CACNA1D: variants seen among roughly 807,000 people sequenced by gnomAD.
CACNA1D encodes the protein calcium voltage-gated channel subunit alpha1 D.
Under a neutral mutation model 257.1 loss-of-function variants are expected in CACNA1D, and 55 were observed. That is an observed-to-expected ratio of 0.21 (90% CI 0.17 to 0.27). The LOEUF (loss-of-function observed/expected upper bound fraction) is 0.27. Ranked by LOEUF, CACNA1D falls within the 10% of genes least tolerant of loss-of-function variation. The probability of loss-of-function intolerance (pLI) is 1.00; values close to 1 mark genes in which losing one functional copy is unlikely to be tolerated. For synonymous variants in CACNA1D, 980 were observed against 1,014.9 expected, an observed-to-expected ratio of 0.97 and a Z score of 0.65; for missense variants, 1,876 against 2,784.0, an observed-to-expected ratio of 0.67 and a Z score of 7.34.
At chr3:53,656,273 T>C (rs758348454) in intron 4 of CACNA1D, among the ~76,000 whole-genome samples, 13 of 152,204 alleles carry the variant, frequency 8.5e-5, no homozygotes, top group Admixed American at 2.0e-4. Context: ...TCCTTTTTTG[T>C]TCCATATGAA....
In CACNA1D at chr3:53,769,878, G is replaced by A. The variant is rs1468956537; in HGVS notation, c.3871-95G>A. 1.0e-5 allele frequency: 10 copies of A among 978,084 alleles called. No homozygotes were observed. In the Admixed American group the frequency reaches 1.7e-4, roughly 17 times the overall value. 60.6% of individuals were successfully genotyped at this position (978,084 alleles called of 1,614,324 possible). A position where few individuals can be genotyped will look rare whatever the true frequency, so the allele number is the denominator to read the frequency against. On this transcript the variant is annotated intron_variant, in intron 30 of 47. Coordinates refer to ENST00000350061, the MANE Select transcript of CACNA1D (RefSeq NM_001128840.3). ...GGAGCAGGTGTGGTGTCTAAAGATG[G>A]GAACCACACATTTTTTTAAAGGGGG...
At chr3:53,614,731 C>T (rs1415365368) in intron 3 of CACNA1D, among the ~76,000 whole-genome samples, 2 of 152,190 alleles carry the variant, frequency 1.3e-5, no homozygotes, top group Non-Finnish European at 2.9e-5. Context: ...CCATACGTCC[C>T]TTTTGTGTGA....
intron 3 of CACNA1D, among the ~76,000 whole-genome samples, chr3:53,563,083 C>T (rs1035205481): frequency 2.6e-5 from 4 of 152,108 alleles, no homozygotes; most frequent in African/African-American, 9.7e-5. Context: ...AAAGGATATG[C>T]ATAAAGTATT....
chr3:53,497,069 G>T (rs1413933781), intron 1 of CACNA1D, 83 bp from the exon 2 acceptor site: 8 of 1,019,222 alleles, frequency 7.8e-6, no homozygotes, highest in Non-Finnish European at 1.2e-5. Flanking sequence ...TGTTATTGAT[G>T]GGAGACAACC....
chr3:53,539,718 G>A (rs535203088), intron 3 of CACNA1D, among the ~76,000 whole-genome samples: 3 of 152,330 alleles, frequency 2.0e-5, no homozygotes, highest in African/African-American at 7.2e-5. Context: ...CAGCGTGTGA[G>A]CATTCCTGTT....
intron 39 of CACNA1D, chr3:53,782,697 C>T (rs369602158): frequency 6.6e-6 from 1 of 152,114 alleles, no homozygotes; most frequent in Admixed American, 6.5e-5. Flanking sequence ...AGGGGTTACC[C>T]GTAGCTGGCA....
Position 53,774,612 on chromosome 3 carries a change from A to G in CACNA1D, c.4136A>G (p.Asp1379Gly). The part of the protein sequence containing the change: ...MQMFGKVAMR[D>G]NNQINRNNNF... ...ATGTTTGGGAAAGTTGCCATGAGAG[A>G]TAACAACCAGATCAATAGGAACAAT... The change falls in exon 34 of 48, where the codon GAT becomes GGT. Residue 1379 changes from aspartate to glycine, a missense_variant. This residue lies in a region of CACNA1D where 204 missense variants were observed against 309.4 expected (regional missense o/e 0.66). Transcript: ENST00000350061. This position sits in a 1 kb window ranked among gnomAD's most constrained non-coding sequence, Gnocchi z 4.3. The G allele has an allele frequency of 1.2e-6, 2 of 1,610,838 alleles. No individual in the cohort carries two copies. Among genetic ancestry groups the G allele is most frequent in the East Asian group, 2.2e-5 (1 of 44,868 alleles).
Position 53,800,443 on chromosome 3 carries a change from C to A in CACNA1D, c.5040+78C>A. 1.0e-6 allele frequency: 1 copy of A among 978,986 alleles called. No homozygotes were observed. The highest frequency in any genetic ancestry group is 1.7e-6 in the Non-Finnish European group (1 of 600,570). The allele number at this position is 978,986 out of a possible 1,614,324, so 60.6% of individuals were successfully genotyped here. ...GACTCCAGTTTGGGCAGTTAATCAT[C>A]CACAGAAGAGTCTGGAGAATGCAGC... On this transcript the variant is annotated intron_variant, in intron 41 of 47. Transcript: ENST00000350061. The surrounding 1 kb of genome is among the most constrained non-coding windows in gnomAD (Gnocchi z 4.3).
intron 28 of CACNA1D, among the ~76,000 whole-genome samples, chr3:53,753,371 A>G (rs1258804297): frequency 2.6e-5 from 4 of 152,292 alleles, no homozygotes; most frequent in East Asian, 1.9e-4. Flanking sequence ...TCATCATTCA[A>G]TCATCCTCAT....
At chr3:53,691,900 C>G (rs763912479) in intron 8 of CACNA1D, among the ~76,000 whole-genome samples, 1 of 31,762 alleles carries the variant, frequency 3.1e-5, no homozygotes, top group African/African-American at 1.2e-4. Context: ...ATATATATTA[C>G]ATATATTATA....
intron 3 of CACNA1D, among the ~76,000 whole-genome samples, chr3:53,601,427 G>A (rs1309310562): frequency 6.6e-6 from 1 of 152,232 alleles, no homozygotes. Flanking sequence ...TGGTTTAGTA[G>A]CAAGGGAGAA....
chr3:53,679,926 T>A (rs1358175880), intron 8 of CACNA1D, among the ~76,000 whole-genome samples: 1 of 152,218 alleles, frequency 6.6e-6, no homozygotes, highest in Non-Finnish European at 1.5e-5. Flanking sequence ...AGCTCTGATT[T>A]GGCTTTAAAT....
intron 3 of CACNA1D, among the ~76,000 whole-genome samples, chr3:53,608,334 CTG>C (rs576230575): frequency 3.3e-4 from 50 of 152,250 alleles, no homozygotes; most frequent in African/African-American, 1.2e-3. Flanking sequence ...TATATTGACT[CTG>C]TATCCCATAA....
At chr3:53,600,739 C>A (rs2093430969) in intron 3 of CACNA1D, among the ~76,000 whole-genome samples, 1 of 152,112 alleles carries the variant, frequency 6.6e-6, no homozygotes, top group South Asian at 2.1e-4. Context: ...GCAATGTGGT[C>A]CTTGTTCTTA....
chr3:53,776,490 T>C, intron 35 of CACNA1D, 113 bp from the exon 36 acceptor site: 1 of 1,284,560 alleles, frequency 7.8e-7, no homozygotes, highest in East Asian at 2.4e-5. Context: ...TTACAACTTC[T>C]CTTGGAGACA....
chr3:53,553,536 T>C (rs2092578241), intron 3 of CACNA1D, among the ~76,000 whole-genome samples: 1 of 152,156 alleles, frequency 6.6e-6, no homozygotes, highest in South Asian at 2.1e-4. Context: ...TGTATGGGTA[T>C]GTGTGTGTGT....
intron 3 of CACNA1D, among the ~76,000 whole-genome samples, chr3:53,566,322 T>A (rs1224629135): frequency 6.6e-6 from 1 of 152,142 alleles, no homozygotes; most frequent in African/African-American, 2.4e-5. Flanking sequence ...CCAGGCACCC[T>A]TTCACCCCAA....
At chr3:53,525,003 C>T (rs554213594) in intron 3 of CACNA1D, among the ~76,000 whole-genome samples, 2 of 152,280 alleles carry the variant, frequency 1.3e-5, no homozygotes, top group African/African-American at 4.8e-5. Context: ...CCCTCCCACT[C>T]GTGCTACCCA....
intron 3 of CACNA1D, among the ~76,000 whole-genome samples, chr3:53,555,445 T>G (rs1204578172): frequency 9.4e-6 from 1 of 106,394 alleles, no homozygotes; most frequent in Admixed American, 8.7e-5. Flanking sequence ...TGGGTGTGTG[T>G]GTGTGTGTGT....
Sources: gnomAD v4.1 joint callset for allele counts (sites outside exome capture counted in the v4.1 genomes callset) on GRCh38, gnomAD v4.1.1 for gene constraint, gnomAD v4.1.1 regional missense constraint, Gnocchi (gnomAD v3.1) non-coding constraint, MANE v1.5 for transcripts, NCBI Gene and HGNC (gene_info 2026-07-23, HGNC 2026-07-21) for gene names.